ST6GALNAC3: variants seen among roughly 807,000 people sequenced by gnomAD.
The protein encoded by ST6GALNAC3 is ST6 N-acetylgalactosaminide alpha-2,6-sialyltransferase 3.
ST6GALNAC3 carries 25 observed loss-of-function variants against 32.7 expected under a neutral mutation model. That is an observed-to-expected ratio of 0.76 (90% CI 0.56 to 1.07). The LOEUF (loss-of-function observed/expected upper bound fraction) is 1.07. Among genes scored for constraint, ST6GALNAC3 ranks in the 50% least tolerant of loss-of-function variants. The pLI, the probability that ST6GALNAC3 is intolerant of heterozygous loss-of-function variation, is 0.00. For missense variants in ST6GALNAC3, 355 were observed against 382.4 expected, an observed-to-expected ratio of 0.93 and a Z score of 0.60; for synonymous variants, 129 against 133.1, an observed-to-expected ratio of 0.97 and a Z score of 0.21.
chr1:76,498,041 T>C (rs1660963966), intron 3 of ST6GALNAC3, among the ~76,000 whole-genome samples: 1 of 152,214 alleles, frequency 6.6e-6, no homozygotes, highest in Admixed American at 6.6e-5. Flanking sequence ...CTCTCTCTTA[T>C]GCCCTTTACA....
At chr1:76,524,953 AT>A (rs1662772459) in intron 3 of ST6GALNAC3, among the ~76,000 whole-genome samples, 1 of 152,046 alleles carries the variant, frequency 6.6e-6, no homozygotes, top group Admixed American at 6.6e-5. Context: ...AAAGAAAAAA[AT>A]CCCACATGAA....
intron 3 of ST6GALNAC3, among the ~76,000 whole-genome samples, chr1:76,575,282 C>T (rs906675764): frequency 2.6e-5 from 4 of 152,110 alleles, no homozygotes; most frequent in African/African-American, 9.7e-5. Context: ...AGTTTTCCCT[C>T]CATCTTGTGA....
chr1:76,328,692 T>G (rs1178542265), intron 2 of ST6GALNAC3, among the ~76,000 whole-genome samples: 1 of 152,180 alleles, frequency 6.6e-6, no homozygotes, highest in Non-Finnish European at 1.5e-5. Context: ...TTTCCCAAAT[T>G]AAAGAACTAG....
intron 2 of ST6GALNAC3, among the ~76,000 whole-genome samples, chr1:76,392,072 A>G (rs1652607241): frequency 1.3e-5 from 2 of 152,168 alleles, no homozygotes; most frequent in African/African-American, 4.8e-5. Flanking sequence ...TGTTCTTTGC[A>G]GGATCTTTAG....
rs188969176 is a variant in ST6GALNAC3 at position 76,165,658 on chromosome 1, C to T, written c.18+90774C>T. On this transcript the variant is annotated intron_variant, in intron 1 of 4. Transcript: ENST00000328299. Reference sequence around the variant, plus strand: ...CAACAGTGTATAACCATTCCTTTTTCTCCACAACTTCACCAGCATCTGTTA... The same window carrying T: ...CAACAGTGTATAACCATTCCTTTTTTTCCACAACTTCACCAGCATCTGTTA... 3.7e-3 allele frequency among the ~76,000 whole-genome samples: 562 copies of T among 152,282 alleles called. 3 individuals are homozygous for T. Among genetic ancestry groups the T allele is most frequent in the African/African-American group, 0.013 (548 of 41,574 alleles).
At chr1:76,376,851 A>G (rs1175932944) in intron 2 of ST6GALNAC3, among the ~76,000 whole-genome samples, 1 of 152,028 alleles carries the variant, frequency 6.6e-6, no homozygotes, top group African/African-American at 2.4e-5. Flanking sequence ...TTACTTGAAC[A>G]TTTTTTGGAT....
Position 76,500,224 on chromosome 1 carries a change from A to C in ST6GALNAC3, c.623+87807A>C, listed in dbSNP as rs548000314. Among the ~76,000 whole-genome samples, 3 of 152,332 alleles carry C rather than the reference A, an allele frequency of 2.0e-5. No homozygotes were observed. The South Asian group carries it at 6.2e-4, about 32-fold the overall frequency. On this transcript the variant is annotated intron_variant, in intron 3 of 4. Coordinates refer to ENST00000328299, the MANE Select transcript of ST6GALNAC3 (RefSeq NM_152996.4). Reference sequence around the variant, plus strand: ...CATTTCTTGAATCAGTATTATATGAATACTTCACATACATTTTTGACATTA... The same window carrying C: ...CATTTCTTGAATCAGTATTATATGACTACTTCACATACATTTTTGACATTA...
chr1:76,121,502 A>T (rs1648867671), intron 1 of ST6GALNAC3, among the ~76,000 whole-genome samples: 1 of 152,074 alleles, frequency 6.6e-6, no homozygotes, highest in South Asian at 2.1e-4. Context: ...AGATCATGAG[A>T]TCAGGAGATC....
chr1:76,085,029 A>G (rs1455468007), intron 1 of ST6GALNAC3, among the ~76,000 whole-genome samples: 2 of 152,214 alleles, frequency 1.3e-5, no homozygotes, highest in Non-Finnish European at 2.9e-5. Flanking sequence ...CTCCTCTAGA[A>G]CAAGCCCGGC....
intron 1 of ST6GALNAC3, among the ~76,000 whole-genome samples, chr1:76,272,499 C>G (rs1658907341): frequency 6.6e-6 from 1 of 152,130 alleles, no homozygotes; most frequent in South Asian, 2.1e-4. Flanking sequence ...GAGGCAGAAT[C>G]AGAATCGAAG....
chr1:76,305,064 G>A (rs1269453242), intron 1 of ST6GALNAC3, among the ~76,000 whole-genome samples: 1 of 152,034 alleles, frequency 6.6e-6, no homozygotes, highest in Non-Finnish European at 1.5e-5. Context: ...CGGCGCACAG[G>A]GGTGGGATCT....
chr1:76,385,137 A>C lies in ST6GALNAC3; in HGVS notation c.214-26871A>C, dbSNP rs1226248058. On this transcript the variant is annotated intron_variant, in intron 2 of 4. Transcript: ENST00000328299. The stretch of plus-strand genomic sequence containing the variant: ...TTAACACATGTTTAAAAAAAACCCA[A>C]AAATATCGCAAGATAAAAAATGCAG... Among the ~76,000 whole-genome samples, 3 of 152,266 alleles carry C rather than the reference A, an allele frequency of 2.0e-5. No individual in the cohort carries two copies. The East Asian group carries it at 5.8e-4, about 29-fold the overall frequency.
intron 1 of ST6GALNAC3, among the ~76,000 whole-genome samples, chr1:76,156,451 G>A (rs1184853282): frequency 6.6e-6 from 1 of 151,564 alleles, no homozygotes; most frequent in Non-Finnish European, 1.5e-5. Flanking sequence ...ATTTATTTAC[G>A]TATTCAATTG....
At chr1:76,265,288 G>T (rs1658464004) in intron 1 of ST6GALNAC3, among the ~76,000 whole-genome samples, 1 of 152,130 alleles carries the variant, frequency 6.6e-6, no homozygotes, top group Non-Finnish European at 1.5e-5. Flanking sequence ...CTGTAGGCAG[G>T]TCATGATTGT....
chr1:76,375,532 G>A (rs1047082145), intron 2 of ST6GALNAC3, among the ~76,000 whole-genome samples: 1 of 152,124 alleles, frequency 6.6e-6, no homozygotes, highest in Non-Finnish European at 1.5e-5. Context: ...AGATAAAAAA[G>A]CATCTACTTG....
chr1:76,560,441 G>A (rs1301330123), intron 3 of ST6GALNAC3, among the ~76,000 whole-genome samples: 1 of 152,030 alleles, frequency 6.6e-6, no homozygotes, highest in African/African-American at 2.4e-5. Flanking sequence ...CATCTGACAA[G>A]AGATTAACAA....
chr1:76,284,829 A>G (rs926106041), intron 1 of ST6GALNAC3, among the ~76,000 whole-genome samples: 2 of 152,158 alleles, frequency 1.3e-5, no homozygotes, highest in Non-Finnish European at 2.9e-5. Context: ...GCTTCACACC[A>G]TATGCCATTG....
chr1:76,446,403 G>A (rs1016596711), intron 3 of ST6GALNAC3, among the ~76,000 whole-genome samples: 1 of 152,082 alleles, frequency 6.6e-6, no homozygotes, highest in African/African-American at 2.4e-5. Flanking sequence ...TAAGGATCTG[G>A]ACAAATGTGT....
chr1:76,478,479 G>T (rs140179765), intron 3 of ST6GALNAC3, among the ~76,000 whole-genome samples: 2 of 152,210 alleles, frequency 1.3e-5, no homozygotes, highest in East Asian at 3.9e-4. Context: ...GGTGTATCAG[G>T]CTTTTCTGTT....
Sources: allele counts gnomAD v4.1 joint callset (sites outside exome capture counted in the v4.1 genomes callset), GRCh38; gene constraint gnomAD v4.1.1; transcripts MANE v1.5; gene names NCBI Gene and HGNC (gene_info 2026-07-23, HGNC 2026-07-21).